The following SYNE2 variants were observed in gnomAD, a reference collection of about 807,000 sequenced individuals.
The protein encoded by SYNE2 is spectrin repeat containing nuclear envelope protein 2.
Under a neutral mutation model 856.3 loss-of-function variants are expected in SYNE2, and 431 were observed. The ratio of observed to expected loss-of-function variants is 0.50; its 90% CI spans 0.47 to 0.55. The LOEUF is 0.55. Among genes scored for constraint, SYNE2 ranks in the 20% least tolerant of loss-of-function variants. The pLI, the probability that SYNE2 is intolerant of heterozygous loss-of-function variation, is 0.00. For synonymous variants in SYNE2, 2,923 were observed against 2,872.3 expected, an observed-to-expected ratio of 1.02 and a Z score of -0.56; for missense variants, 8,129 against 8,023.2, an observed-to-expected ratio of 1.01 and a Z score of -0.50.
At position 64,212,071 on chromosome 14, in the gene SYNE2, C is replaced by T. The variant is rs757742735; in HGVS notation, c.18834C>T (p.Asp6278=). 1.8e-5 allele frequency: 29 copies of T among 1,614,030 alleles called. No homozygotes were observed. Among genetic ancestry groups the T allele is most frequent in the Middle Eastern group, 3.3e-4 (2 of 6,078 alleles). The change falls in exon 104 of 116, where the codon GAC becomes GAT. Residue 6278 remains aspartate, a synonymous_variant. Coordinates refer to ENST00000555002, the MANE Select transcript of SYNE2 (RefSeq NM_182914.3). Reference sequence around the variant, plus strand: ...ACGTGGAGCACTTCTCAGAGAGTGACGCCGATGACAAGATGCGCCAACTGA... The same window carrying T: ...ACGTGGAGCACTTCTCAGAGAGTGATGCCGATGACAAGATGCGCCAACTGA... ...LTNVEHFSES[D]ADDKMRQLNG...
In SYNE2 at chr14:64,049,774, A is replaced by T. The variant is rs771061486; in HGVS notation, c.7541A>T (p.Asn2514Ile). Residue 2514 changes from asparagine (N) to isoleucine (I), a missense_variant, in exon 47 of 116, where the codon AAC becomes ATC. Around this residue, in one of 3 missense-constraint regions of SYNE2, gnomAD observed 5,410 missense variants for 5,284.8 expected, o/e 1.02. Transcript: ENST00000555002. ...LLQALITLKK[N>I]KESQYCVLRD... ...CAGGCACTTATTACTTTGAAGAAAA[A>T]CAAAGAAAGCCAATATTGTGTCCTC... is the stretch of plus-strand genomic sequence containing the variant. 24 of 1,614,066 alleles carry T rather than the reference A, an allele frequency of 1.5e-5. No individual in the cohort carries two copies. The highest frequency in any genetic ancestry group is 3.3e-4 in the Middle Eastern group (2 of 6,084).
Position 64,225,436 on chromosome 14 carries a change from C to A in SYNE2, c.20634C>A (p.Ser6878=), listed in dbSNP as rs143162390. The A allele has an allele frequency of 8.3e-4, 1,342 of 1,614,110 alleles. 1 individual carries two copies. Among genetic ancestry groups the A allele is most frequent in the Non-Finnish European group, 1.0e-3 (1,211 of 1,179,990 alleles). Residue 6878 remains serine (S), a synonymous_variant, in exon 116 of 116, where the codon TCC becomes TCA. Transcript: ENST00000555002. ...LLLLACLLPS[S]EEDYSCTQAN... is the part of the protein sequence containing the mutation. ...TCCTGGCCTGCCTGCTGCCCTCCTC[C>A]GAAGAAGACTACAGCTGCACTCAGG...
At chr14:63,844,362 T>C (rs1016062831) in intron 1 of SYNE2, among the ~76,000 whole-genome samples, 2 of 152,228 alleles carry the variant, frequency 1.3e-5, no homozygotes, top group Non-Finnish European at 2.9e-5. Flanking sequence ...CATTTCTTTT[T>C]AGCACTGAAT....
At chr14:63,986,694 G>T (rs1311022961) in intron 19 of SYNE2, 77 bp downstream of exon 19, 4 of 1,467,028 alleles carry the variant, frequency 2.7e-6, no homozygotes, top group African/African-American at 1.4e-5. Flanking sequence ...AAGTTTTAAA[G>T]TAAGTAGTAA....
intron 20 of SYNE2, 128 bp from the exon 21 acceptor site, chr14:63,990,814 G>C: frequency 2.4e-6 from 2 of 836,044 alleles, no homozygotes; most frequent in Non-Finnish European, 3.9e-6. Context: ...AATTTAGATA[G>C]ATTTATCATA....
intron 1 of SYNE2, among the ~76,000 whole-genome samples, chr14:63,885,642 C>T (rs1220041785): frequency 1.3e-5 from 2 of 152,158 alleles, no homozygotes; most frequent in Non-Finnish European, 2.9e-5. Context: ...TGCTCTGTCA[C>T]CTAGGCTGGA....
Position 63,986,625 on chromosome 14 carries a change from T to A in SYNE2, c.2313+8T>A. ...ATGGAAGAATCTTTGAAGGTATGTG[T>A]GTAAAAGTATTAAGAGGGTACTTTC... On this transcript the variant is annotated splice_region_variant and intron_variant, in intron 19 of 115. Coordinates refer to ENST00000555002, the MANE Select transcript of SYNE2 (RefSeq NM_182914.3). 6.2e-7 allele frequency: 1 copy of A among 1,613,862 alleles called. No homozygotes were observed. The highest frequency in any genetic ancestry group is 8.5e-7 in the Non-Finnish European group (1 of 1,179,812).
chr14:64,213,045 C>T, intron 105 of SYNE2, 40 bp downstream of exon 105: 1 of 1,609,720 alleles, frequency 6.2e-7, no homozygotes, highest in Non-Finnish European at 8.5e-7. Flanking sequence ...CTGGGCTGCT[C>T]AGAGTTTACG....
chr14:63,908,967 G>T (rs187852607), intron 1 of SYNE2, 131 bp from the exon 2 acceptor site: 669 of 612,258 alleles, frequency 1.1e-3, no homozygotes, highest in Admixed American at 2.4e-3. Flanking sequence ...CATGAACCAT[G>T]GAAGCACATA....
chr14:64,122,126 T>C lies in SYNE2; in HGVS notation c.13273T>C (p.Ser4425Pro). The C allele has an allele frequency of 3.1e-6, 5 of 1,614,164 alleles. No individual in the cohort carries two copies. The highest frequency in any genetic ancestry group is 4.2e-6 in the Non-Finnish European group (5 of 1,180,034). Residue 4425 changes from serine (S) to proline (P), a missense_variant, in exon 69 of 116, where the codon TCT (serine) becomes CCT (proline). Ser to Pro is a moderately conservative substitution (Grantham distance 74). This residue lies in a region of SYNE2 where 5,410 missense variants were observed against 5,284.8 expected (regional missense o/e 1.02). Transcript: ENST00000555002. ...TGATAACGATACAACTCAGGAATCA[T>C]CTGCAAGGTAAAACATTTAAAAATA... ...QHDNDTTQES[S>P]ASNQASSPEN...
chr14:63,837,408 C>T (rs1488125783), intron 1 of SYNE2, among the ~76,000 whole-genome samples: 2 of 151,840 alleles, frequency 1.3e-5, no homozygotes, highest in Non-Finnish European at 2.9e-5. Flanking sequence ...TAATAGAATA[C>T]CAAAATTATA....
Position 64,052,616 on chromosome 14 carries a change from C to T in SYNE2, c.8703C>T (p.Ile2901=). Residue 2901 remains isoleucine, a synonymous_variant, in exon 48 of 116, where the codon ATC becomes ATT. Coordinates refer to ENST00000555002, the MANE Select transcript of SYNE2 (RefSeq NM_182914.3). The stretch of plus-strand genomic sequence containing the variant: ...CACATCTTCAGGAGCTAACAAACAT[C>T]TATGAGGAGCTGAATGTGTTTGAAA... The part of the protein sequence containing the change: ...ISTHLQELTN[I]YEELNVFERL... The T allele has an allele frequency of 1.9e-6, 3 of 1,614,022 alleles. No individual in the cohort carries two copies. Among genetic ancestry groups the T allele is most frequent in the Non-Finnish European group, 2.5e-6 (3 of 1,179,998 alleles).
chr14:64,057,271 C>A (rs528772572), intron 49 of SYNE2, among the ~76,000 whole-genome samples: 1 of 152,040 alleles, frequency 6.6e-6, no homozygotes, highest in African/African-American at 2.4e-5. Flanking sequence ...CCACCTCCCC[C>A]ACTACTCTTC....
chr14:64,035,548 C>G (rs2097081132), intron 45 of SYNE2, among the ~76,000 whole-genome samples: 1 of 105,714 alleles, frequency 9.5e-6, no homozygotes, highest in Admixed American at 1.3e-4. Flanking sequence ...CATCTATAAA[C>G]AACGTGCATT....
At chr14:63,819,204 A>G (rs1889121320) in intron 1 of SYNE2, among the ~76,000 whole-genome samples, 1 of 152,070 alleles carries the variant, frequency 6.6e-6, no homozygotes, top group Non-Finnish European at 1.5e-5. Flanking sequence ...CAAGATTAAC[A>G]TACAAAAATC....
intron 1 of SYNE2, among the ~76,000 whole-genome samples, chr14:63,880,413 G>T (rs1470132969): frequency 6.6e-6 from 1 of 152,074 alleles, no homozygotes; most frequent in Admixed American, 6.6e-5. Flanking sequence ...AAAAAAATAT[G>T]TGTGGGTTAC....
At chr14:64,211,854 C>G (rs1035492802) in intron 103 of SYNE2, 107 bp from the exon 104 acceptor site, 7 of 1,525,130 alleles carry the variant, frequency 4.6e-6, no homozygotes, top group Non-Finnish European at 6.3e-6. Context: ...AGATTTCTCC[C>G]TGAGTATTCT....
intron 84 of SYNE2, among the ~76,000 whole-genome samples, chr14:64,149,068 G>T (rs960776311): frequency 1.6e-4 from 24 of 151,478 alleles, no homozygotes; most frequent in African/African-American, 5.8e-4. Flanking sequence ...AGAAATTTGG[G>T]AGGCTAAGGC....
chr14:63,984,017 G>A, intron 18 of SYNE2, 131 bp downstream of exon 18: 1 of 656,016 alleles, frequency 1.5e-6, no homozygotes, highest in South Asian at 1.9e-5. Flanking sequence ...CAAAACAGGT[G>A]GATGGCTTGA....
Sources: gnomAD v4.1 joint callset for allele counts (sites outside exome capture counted in the v4.1 genomes callset) on GRCh38, gnomAD v4.1.1 for gene constraint, gnomAD v4.1.1 regional missense constraint, MANE v1.5 for transcripts, NCBI Gene and HGNC (gene_info 2026-07-23, HGNC 2026-07-21) for gene names.